LIN54: variants seen among roughly 807,000 people sequenced by gnomAD.
The protein encoded by LIN54 is lin-54 DREAM MuvB core complex component.
LIN54 carries 9 observed loss-of-function variants against 78.7 expected under a neutral mutation model. That is an observed-to-expected ratio of 0.11 (90% CI 0.07 to 0.20). The LOEUF (loss-of-function observed/expected upper bound fraction) is 0.20, where lower values mean the gene tolerates loss of function less well. LIN54 is among the 10% of genes least tolerant of loss of function. The pLI is 1.00. For missense variants in LIN54, 573 were observed against 889.9 expected, an observed-to-expected ratio of 0.64 and a Z score of 4.53; for synonymous variants, 269 against 318.4, an observed-to-expected ratio of 0.84 and a Z score of 1.65.
chr4:82,935,869 A>AT, intron 11 of LIN54, 112 bp downstream of exon 11: 1 of 1,065,014 alleles, frequency 9.4e-7, no homozygotes, highest in Non-Finnish European at 1.4e-6. Context: ...AACTGTGCAT[A>AT]TTTTCAAATT....
intron 1 of LIN54, among the ~76,000 whole-genome samples, chr4:83,008,281 ATT>A (rs2126117583): frequency 6.6e-6 from 1 of 152,290 alleles, no homozygotes; most frequent in East Asian, 1.9e-4. Context: ...AAGTAATGAT[ATT>A]GAGGTTATTT....
At chr4:82,937,447 A>G (rs770168896) in intron 8 of LIN54, 149 bp from the exon 9 acceptor site, 2 of 528,636 alleles carry the variant, frequency 3.8e-6, no homozygotes, top group Non-Finnish European at 6.6e-6. Context: ...CCCTCCAGAA[A>G]TAAAGCTTTA....
At chr4:82,994,373 G>A (rs983462636) in intron 1 of LIN54, among the ~76,000 whole-genome samples, 1 of 151,554 alleles carries the variant, frequency 6.6e-6, no homozygotes, top group African/African-American at 2.4e-5. Context: ...GGTCTCTCTT[G>A]GTGAATCCTC....
intron 4 of LIN54, among the ~76,000 whole-genome samples, chr4:82,951,246 G>A (rs1312346137): frequency 1.3e-5 from 2 of 152,120 alleles, no homozygotes; most frequent in African/African-American, 4.8e-5. Context: ...TAAGATGCAC[G>A]AGAACATTCA....
chr4:82,995,698 T>C (rs574483199), intron 1 of LIN54, among the ~76,000 whole-genome samples: 30 of 151,654 alleles, frequency 2.0e-4, no homozygotes, highest in Admixed American at 1.3e-3. Flanking sequence ...GGTTTTACCA[T>C]GTTAGCCAGG....
intron 4 of LIN54, among the ~76,000 whole-genome samples, chr4:82,952,604 G>C (rs1265107861): frequency 6.6e-6 from 1 of 152,104 alleles, no homozygotes; most frequent in Non-Finnish European, 1.5e-5. Context: ...CTACTTTTGG[G>C]TACATACTGT....
rs531479784 is a variant in LIN54 at position 83,003,837 on chromosome 4, T to A, written c.-33+6647A>T. ...TACTGCACCTGACCTAATTTTTTTT[T>A]AAAAAAGAAAGGTTTGTATTTTCAT... On this transcript the variant is annotated intron_variant, in intron 1 of 12. Transcript: ENST00000340417. Among the ~76,000 whole-genome samples, 56 of 151,976 alleles carry A rather than the reference T, an allele frequency of 3.7e-4. No homozygotes were observed. In the South Asian group the frequency reaches 6.2e-3, roughly 17 times the overall value.
chr4:83,001,132 T>C (rs1728727452), intron 1 of LIN54, among the ~76,000 whole-genome samples: 1 of 152,234 alleles, frequency 6.6e-6, no homozygotes, highest in African/African-American at 2.4e-5. Context: ...AGCAATAAAT[T>C]CTTACAGAGA....
chr4:83,003,722 C>T (rs1729058448), intron 1 of LIN54, among the ~76,000 whole-genome samples: 1 of 152,068 alleles, frequency 6.6e-6, no homozygotes, highest in Non-Finnish European at 1.5e-5. Flanking sequence ...GACGGGGTCT[C>T]GCCATGTTGC....
rs1002255451 is a variant in LIN54 at position 82,939,421 on chromosome 4, TG to T, written c.1440+117del. ...GGTTTGGGTTAACATTTTAAGATTT[TG>T]GAAAGTGCCACTTCAATACTGAGTT... On this transcript the variant is annotated intron_variant, in intron 7 of 12. Transcript: ENST00000340417. 56 of 835,666 alleles carry T rather than the reference TG, an allele frequency of 6.7e-5. No homozygotes were observed. In the African/African-American group the frequency reaches 7.7e-4, roughly 12 times the overall value. 51.8% of individuals were successfully genotyped at this position (835,666 alleles called of 1,614,324 possible).
rs1180111151 is a variant in LIN54 at position 82,949,603 on chromosome 4, G to A, written c.952-3129C>T. On this transcript the variant is annotated intron_variant, in intron 4 of 12. Coordinates refer to ENST00000340417, the MANE Select transcript of LIN54 (RefSeq NM_194282.4). The stretch of plus-strand genomic sequence containing the variant: ...ATAGAGACGGGGTTTCACCATGTTG[G>A]CCAGGCTGGTCTTGAACTCCTGACC... Among the ~76,000 whole-genome samples the A allele has an allele frequency of 3.9e-5, 6 of 152,128 alleles. No individual in the cohort carries two copies. The East Asian group carries it at 9.7e-4, about 25-fold the overall frequency.
Position 82,942,565 on chromosome 4 carries a change from T to C in LIN54, c.1169-2603A>G, listed in dbSNP as rs80335269. ...ACCATTAGCAAGGTTATAATAACCATTGTAGATTGGTCTCAGCAATGCTAG... is the reference window on the plus strand; with the variant it reads ...ACCATTAGCAAGGTTATAATAACCACTGTAGATTGGTCTCAGCAATGCTAG... On this transcript the variant is annotated intron_variant, in intron 5 of 12. Transcript: ENST00000340417. Among the ~76,000 whole-genome samples, 228 of 152,278 alleles carry C rather than the reference T, an allele frequency of 1.5e-3. 2 individuals carry two copies. The East Asian group carries it at 0.018, about 12-fold the overall frequency.
Position 82,956,109 on chromosome 4 carries a change from G to A in LIN54, c.952-9635C>T, listed in dbSNP as rs371678100. On this transcript the variant is annotated intron_variant, in intron 4 of 12. Coordinates refer to ENST00000340417, the MANE Select transcript of LIN54 (RefSeq NM_194282.4). ...CCAAGTAGCACCTGCTACCACGCGCGGCTAAATTTTTTAGTATTTTTAGTA... is the reference window on the plus strand; with the variant it reads ...CCAAGTAGCACCTGCTACCACGCGCAGCTAAATTTTTTAGTATTTTTAGTA... Among the ~76,000 whole-genome samples, 12 of 151,984 alleles carry A rather than the reference G, an allele frequency of 7.9e-5. No homozygotes were observed. The South Asian group carries it at 1.2e-3, about 16-fold the overall frequency.
intron 4 of LIN54, among the ~76,000 whole-genome samples, chr4:82,950,363 A>G (rs919183423): frequency 6.6e-6 from 1 of 152,142 alleles, no homozygotes; most frequent in Admixed American, 6.5e-5. Context: ...CACTTATTAA[A>G]CCACATTTCT....
chr4:82,928,791 A>G (rs1721699016), intron 12 of LIN54, among the ~76,000 whole-genome samples: 1 of 152,256 alleles, frequency 6.6e-6, no homozygotes, highest in Non-Finnish European at 1.5e-5. Flanking sequence ...AAAGCACTTT[A>G]CCATAGTCAC....
intron 5 of LIN54, among the ~76,000 whole-genome samples, chr4:82,941,396 C>T (rs1018524393): frequency 1.7e-4 from 26 of 152,030 alleles, no homozygotes; most frequent in African/African-American, 6.0e-4. Flanking sequence ...GGGATTAACG[C>T]AGACAAATAC....
chr4:83,007,199 T>A (rs1578676677), intron 1 of LIN54, among the ~76,000 whole-genome samples: 1 of 151,366 alleles, frequency 6.6e-6, no homozygotes, highest in South Asian at 2.1e-4. Context: ...TATAACTGAG[T>A]GAAATAACAA....
chr4:82,941,149 G>GATATAGATAT (rs1553947750), intron 5 of LIN54, among the ~76,000 whole-genome samples: 2 of 131,140 alleles, frequency 1.5e-5, no homozygotes, highest in Non-Finnish European at 3.1e-5. Flanking sequence ...GAGTTAAGAG[G>GATATAGATAT]ATATATATAT....
In LIN54 at chr4:82,936,443, T is replaced by G. The variant is rs1379471179; in HGVS notation, c.1605-62A>C. 1.4e-5 allele frequency: 11 copies of G among 792,484 alleles called. No homozygotes were observed. In the East Asian group the frequency reaches 2.2e-4, roughly 16 times the overall value. 49.1% of individuals were successfully genotyped at this position (792,484 alleles called of 1,614,324 possible). On this transcript the variant is annotated intron_variant, in intron 9 of 12. Transcript: ENST00000340417. ...TATTAAGGAAAACTAATTATCTGAT[T>G]ATGCATACATTGTATATATATTGTA...
Sources: gnomAD v4.1 joint callset for allele counts (sites outside exome capture counted in the v4.1 genomes callset) on GRCh38, gnomAD v4.1.1 for gene constraint, MANE v1.5 for transcripts, NCBI Gene and HGNC (gene_info 2026-07-23, HGNC 2026-07-21) for gene names.